The following ZNF326 variants were observed in gnomAD, a reference collection of about 807,000 sequenced individuals.
ZNF326 encodes zinc finger protein 326.
Under a neutral mutation model 63.1 loss-of-function variants are expected in ZNF326, and 30 were observed. The ratio of observed to expected loss-of-function variants is 0.48; its 90% CI spans 0.36 to 0.64. The LOEUF is 0.64. Among genes scored for constraint, ZNF326 ranks in the 30% least tolerant of loss-of-function variants. ZNF326 has a pLI of 0.00. For synonymous variants in ZNF326, 194 were observed against 228.2 expected (o/e 0.85, Z 1.35); for missense variants, 609 against 720.3 (o/e 0.85, Z 1.77).
chr1:90,010,472 A>G (rs1196717127), intron 6 of ZNF326, among the ~76,000 whole-genome samples, 186 bp downstream of exon 6: 1 of 152,170 alleles, frequency 6.6e-6, no homozygotes, highest in African/African-American at 2.4e-5. Flanking sequence ...TACTTTTAAA[A>G]TGTACATAAC....
At position 90,033,123 on chromosome 1, in the gene ZNF326, A is replaced by G. The variant is rs1204640076; in HGVS notation, c.*5422A>G. The G allele has an allele frequency of 1.3e-5, 2 of 152,154 alleles. No individual in the cohort carries two copies. The highest frequency in any genetic ancestry group is 4.8e-5 in the African/African-American group (2 of 41,432). The allele number at this position is 152,154 out of a possible 1,614,324, so 9.4% of individuals were successfully genotyped here. A position where few individuals can be genotyped will look rare whatever the true frequency, so the allele number is the denominator to read the frequency against. On this transcript the variant is annotated 3_prime_UTR_variant, in exon 12 of 12. Coordinates refer to ENST00000340281, the MANE Select transcript of ZNF326 (RefSeq NM_182976.4). Reference sequence around the variant, plus strand: ...AAACTCCAGATAATGATACTGAGAAATTTATTGGTTGGAAAACTGCTATCT... The same window carrying G: ...AAACTCCAGATAATGATACTGAGAAGTTTATTGGTTGGAAAACTGCTATCT...
chr1:90,006,867 A>G (rs1649016818), intron 4 of ZNF326, among the ~76,000 whole-genome samples: 1 of 152,204 alleles, frequency 6.6e-6, no homozygotes, highest in African/African-American at 2.4e-5. Flanking sequence ...TTGGGAGTGC[A>G]AAAGGATCTC....
Position 90,028,943 on chromosome 1 carries a change from T to A in ZNF326, c.*1242T>A, listed in dbSNP as rs925461269. On this transcript the variant is annotated 3_prime_UTR_variant, in exon 12 of 12. Transcript: ENST00000340281. Reference sequence around the variant, plus strand: ...TTAGCCTCCCAAGTAGCTGGGACTGTTAAGTGTGAGCCACCATGCCCAGCT... The same window carrying A: ...TTAGCCTCCCAAGTAGCTGGGACTGATAAGTGTGAGCCACCATGCCCAGCT... 6.6e-6 allele frequency: 1 copy of A among 151,580 alleles called. No individual in the cohort carries two copies. The highest frequency in any genetic ancestry group is 1.5e-5 in the Non-Finnish European group (1 of 67,952). The allele number at this position is 151,580 out of a possible 1,614,324, so 9.4% of individuals were successfully genotyped here. A position where few individuals can be genotyped will look rare whatever the true frequency, so the allele number is the denominator to read the frequency against.
rs1311488674 is a variant in ZNF326 at position 89,995,145 on chromosome 1, C to T, written c.-113C>T. 5 of 1,332,714 alleles carry T rather than the reference C, an allele frequency of 3.8e-6. No homozygotes were observed. The South Asian group carries it at 3.9e-5, about 10-fold the overall frequency. The allele number at this position is 1,332,714 out of a possible 1,614,324, so 82.6% of individuals were successfully genotyped here. A position where few individuals can be genotyped will look rare whatever the true frequency, so the allele number is the denominator to read the frequency against. On this transcript the variant is annotated 5_prime_UTR_variant, in exon 1 of 12. Transcript: ENST00000340281. ...TGGCCTGCGGCTCCCGGGCTGGTAG[C>T]GCGCCGCTCTCGGTCGCGCGGAGTG...
chr1:90,013,351 CA>C (rs1199653972), intron 7 of ZNF326, 114 bp downstream of exon 7: 1 of 792,968 alleles, frequency 1.3e-6, no homozygotes, highest in Admixed American at 3.8e-5. Flanking sequence ...AAGACTTGTT[CA>C]AAGATACAGA....
intron 2 of ZNF326, among the ~76,000 whole-genome samples, chr1:90,000,628 C>A (rs976507737): frequency 6.6e-6 from 1 of 152,066 alleles, no homozygotes; most frequent in Non-Finnish European, 1.5e-5. Context: ...TCGATTGAGC[C>A]CAGGAGGTGG....
intron 1 of ZNF326, 52 bp downstream of exon 1, chr1:89,995,325 T>A: frequency 6.6e-7 from 1 of 1,526,460 alleles, no homozygotes; most frequent in Non-Finnish European, 8.8e-7. Context: ...CGGGGTGGCC[T>A]ACGCAGGGGG....
At position 89,995,181 on chromosome 1, in the gene ZNF326, A is replaced by C; in HGVS notation, c.-77A>C. ...CGGTCGCGCGGAGTGATCGTGTGGA[A>C]TCGCGGGTCGCGGACGCTCGCCGCC... is the stretch of plus-strand genomic sequence containing the variant. On this transcript the variant is annotated 5_prime_UTR_variant, in exon 1 of 12. Coordinates refer to ENST00000340281, the MANE Select transcript of ZNF326 (RefSeq NM_182976.4). 1 of 1,494,038 alleles carries C rather than the reference A, an allele frequency of 6.7e-7. No homozygotes were observed. The allele number at this position is 1,494,038 out of a possible 1,614,324, so 92.5% of individuals were successfully genotyped here. A position where few individuals can be genotyped will look rare whatever the true frequency, so the allele number is the denominator to read the frequency against.
rs377475016 is a variant in ZNF326 at position 90,017,370 on chromosome 1, T to C, written c.980T>C (p.Ile327Thr). The change falls in exon 8 of 12, where the codon ATT becomes ACT. Residue 327 changes from isoleucine to threonine, a missense_variant. Ile to Thr is a moderately conservative substitution (Grantham distance 89, BLOSUM62 -1). Around this residue, in one of 3 missense-constraint regions of ZNF326, gnomAD observed 399 missense variants for 444.3 expected, o/e 0.90. Transcript: ENST00000340281. ...CKFRTFEEKD[I>T]ELHLESSSHQ... ...TTTCGAACATTTGAAGAAAAAGATA[T>C]TGAACTGCATCTGGAAAGTTCTTCA... is the stretch of plus-strand genomic sequence containing the variant. The C allele has an allele frequency of 1.0e-5, 16 of 1,607,072 alleles. No homozygotes were observed. Among genetic ancestry groups the C allele is most frequent in the South Asian group, 2.3e-5 (2 of 88,724 alleles).
At chr1:89,999,136 C>T (rs1274131878) in intron 2 of ZNF326, among the ~76,000 whole-genome samples, 4 of 152,060 alleles carry the variant, frequency 2.6e-5, no homozygotes, top group African/African-American at 9.7e-5. Flanking sequence ...GGAAAATTAA[C>T]GAGAAAGCCA....
At chr1:90,009,521 A>G (rs898381644) in intron 5 of ZNF326, among the ~76,000 whole-genome samples, 6 of 152,148 alleles carry the variant, frequency 3.9e-5, no homozygotes, top group East Asian at 1.9e-4. Context: ...CTTTATCTGA[A>G]GTGTGTCTTG....
intron 2 of ZNF326, among the ~76,000 whole-genome samples, chr1:89,999,325 C>G (rs1648554670): frequency 7.2e-6 from 1 of 137,946 alleles, no homozygotes; most frequent in Non-Finnish European, 1.5e-5. Flanking sequence ...ATGACTAGTG[C>G]TTTTACAAGG....
At position 90,013,223 on chromosome 1, in the gene ZNF326, C is replaced by T. The variant is rs148419102; in HGVS notation, c.912C>T (p.Tyr304=). Reference sequence around the variant, plus strand: ...GAAGAGAAAAAAACAGTGAGAAATACGGAGATGGATACAGGTTTGTACTTA... The same window carrying T: ...GAAGAGAAAAAAACAGTGAGAAATATGGAGATGGATACAGGTTTGTACTTA... The part of the protein sequence containing the change: ...RRRREKNSEK[Y]GDGYRMAFTC... The change falls in exon 7 of 12, where the codon TAC becomes TAT. Residue 304 remains tyrosine (Y), a synonymous_variant. Transcript: ENST00000340281. 172 of 1,606,004 alleles carry T rather than the reference C, an allele frequency of 1.1e-4. No homozygotes were observed. In the African/African-American group the frequency reaches 1.9e-3, roughly 18 times the overall value.
intron 11 of ZNF326, among the ~76,000 whole-genome samples, chr1:90,026,909 CATGGTATCTAGTAG>C (rs1650037877): frequency 6.6e-6 from 1 of 152,124 alleles, no homozygotes; most frequent in South Asian, 2.1e-4. Context: ...AGAAGTAAGG[CATGGTATCTAGTAG>C]ATTAAGCGAG....
intron 2 of ZNF326, 44 bp from the exon 3 acceptor site, chr1:90,004,959 G>A (rs150457095): frequency 6.4e-7 from 1 of 1,555,878 alleles, no homozygotes; most frequent in Non-Finnish European, 8.9e-7. Context: ...TCCCTGAAGA[G>A]AATGGTGTAT....
At chr1:90,013,287 GA>G in intron 7 of ZNF326, 50 bp downstream of exon 7, 1 of 1,372,054 alleles carries the variant, frequency 7.3e-7, no homozygotes, top group Non-Finnish European at 9.8e-7. Context: ...TGATTTCCTA[GA>G]AAAAGCCAAC....
In ZNF326 at chr1:90,005,296, A is replaced by G. The variant is rs554264352; in HGVS notation, c.209+52A>G. The G allele has an allele frequency of 3.9e-5, 62 of 1,581,060 alleles. 1 individual carries two copies. In the South Asian group the frequency reaches 7.3e-4, roughly 19 times the overall value. On this transcript the variant is annotated intron_variant, in intron 4 of 11. Coordinates refer to ENST00000340281, the MANE Select transcript of ZNF326 (RefSeq NM_182976.4). ...TAATTAGACAACTATAAGATTTTGG[A>G]TATATTATTTTAAGTACTCTTTAGG...
chr1:90,034,794 A>C lies in ZNF326; in HGVS notation c.*7093A>C, dbSNP rs75770229. 2.8e-4 allele frequency: 43 copies of C among 152,304 alleles called. No individual in the cohort carries two copies. In the East Asian group the frequency reaches 8.3e-3, roughly 29 times the overall value. 9.4% of individuals were successfully genotyped at this position (152,304 alleles called of 1,614,324 possible). ...CTGAGGCTAGCATAATCCTTATTCC[A>C]GAAAATTGTTCATCAAAGATAGCTA... is the stretch of plus-strand genomic sequence containing the variant. On this transcript the variant is annotated 3_prime_UTR_variant, in exon 12 of 12. Coordinates refer to ENST00000340281, the MANE Select transcript of ZNF326 (RefSeq NM_182976.4).
Position 90,007,845 on chromosome 1 carries a change from T to TC in ZNF326, c.615+98dup. 1.7e-6 allele frequency: 2 copies of TC among 1,204,494 alleles called. No homozygotes were observed. Among genetic ancestry groups the TC allele is most frequent in the Non-Finnish European group, 2.2e-6 (2 of 922,618 alleles). The allele number at this position is 1,204,494 out of a possible 1,614,324, so 74.6% of individuals were successfully genotyped here. ...TTTCAACTAGAATAAACACTGTTCA[T>TC]CCCGGTGTATTTTGAAGCAAAAGCT... On this transcript the variant is annotated intron_variant, in intron 5 of 11. Coordinates refer to ENST00000340281, the MANE Select transcript of ZNF326 (RefSeq NM_182976.4). This position sits in a 1 kb window ranked among gnomAD's most constrained non-coding sequence, Gnocchi z 4.9.
Sources: gnomAD v4.1 joint callset for allele counts (sites outside exome capture counted in the v4.1 genomes callset) on GRCh38, gnomAD v4.1.1 for gene constraint, gnomAD v4.1.1 regional missense constraint, Gnocchi (gnomAD v3.1) non-coding constraint, MANE v1.5 for transcripts, NCBI Gene and HGNC (gene_info 2026-07-23, HGNC 2026-07-21) for gene names.